HPS3: variants seen among roughly 807,000 people sequenced by gnomAD.
HPS3 encodes the protein HPS3 biogenesis of lysosomal organelles complex 2 subunit 1.
In HPS3, 79 loss-of-function variants were observed where a neutral mutation model predicts 110.9. That is an observed-to-expected ratio of 0.71 (90% confidence interval 0.59 to 0.86). The LOEUF is 0.86. Ranked by LOEUF, HPS3 falls within the 40% of genes least tolerant of loss-of-function variation. The pLI is 0.00. For missense variants in HPS3, 1,197 were observed against 1,206.2 expected (o/e 0.99, Z 0.11); for synonymous variants, 428 against 451.0 (o/e 0.95, Z 0.65).
At chr3:149,139,224 A>G (rs1458161191) in intron 1 of HPS3, among the ~76,000 whole-genome samples, 2 of 152,224 alleles carry the variant, frequency 1.3e-5, no homozygotes, top group African/African-American at 2.4e-5. Context: ...ATCAGCCTGG[A>G]GGGAGAGATT....
intron 5 of HPS3, among the ~76,000 whole-genome samples, chr3:149,147,510 G>A (rs916901140): frequency 1.3e-5 from 2 of 152,064 alleles, no homozygotes; most frequent in South Asian, 2.1e-4. Context: ...GAAAAGAAAG[G>A]AATATACTAA....
chr3:149,130,098 A>G, intron 1 of HPS3, 158 bp downstream of exon 1: 1 of 690,628 alleles, frequency 1.4e-6, no homozygotes, highest in South Asian at 1.8e-5. Context: ...TGATTGCTTG[A>G]AGTCGCATTG....
At chr3:149,145,684 CTT>C (rs1338681574) in intron 5 of HPS3, 138 bp downstream of exon 5, 49 of 766,112 alleles carry the variant, frequency 6.4e-5, no homozygotes, top group Non-Finnish European at 1.1e-4. Flanking sequence ...GTAAGTCTGT[CTT>C]TTGATGACCC....
intron 16 of HPS3, among the ~76,000 whole-genome samples, chr3:149,171,139 G>A (rs563433799): frequency 2.6e-5 from 4 of 152,054 alleles, no homozygotes; most frequent in South Asian, 2.1e-4. Context: ...TTAGCTGGAC[G>A]TGGTGGTGCG....
At chr3:149,162,982 TTA>T in intron 13 of HPS3, 104 bp downstream of exon 13, 1 of 970,044 alleles carries the variant, frequency 1.0e-6, no homozygotes, top group South Asian at 1.4e-5. Context: ...TAGTTTTCTA[TTA>T]CCAGGTATCT....
intron 1 of HPS3, among the ~76,000 whole-genome samples, chr3:149,138,921 G>A (rs1302702472): frequency 6.6e-6 from 1 of 152,154 alleles, no homozygotes; most frequent in African/African-American, 2.4e-5. Context: ...CACTGCTGCT[G>A]GTAACATGAA....
intron 1 of HPS3, among the ~76,000 whole-genome samples, chr3:149,138,205 T>G (rs1034377646): frequency 2.0e-5 from 3 of 152,172 alleles, no homozygotes; most frequent in Non-Finnish European, 4.4e-5. Context: ...GCTTGCTACC[T>G]GTAGAAGTCA....
At chr3:149,167,358 T>C in intron 15 of HPS3, 118 bp downstream of exon 15, 1 of 783,682 alleles carries the variant, frequency 1.3e-6, no homozygotes, top group Non-Finnish European at 2.2e-6. Context: ...TAAGGCTGTG[T>C]GGGTCCATTG....
Position 149,163,889 on chromosome 3 carries a change from C to G in HPS3, c.2529C>G (p.Val843=). The G allele has an allele frequency of 6.3e-7, 1 of 1,586,114 alleles. No homozygotes were observed. The highest frequency in any genetic ancestry group is 8.7e-7 in the Non-Finnish European group (1 of 1,154,654). Residue 843 remains valine, a synonymous_variant, in exon 14 of 17, where the codon GTC becomes GTG. Transcript: ENST00000296051. ...GCTTAATTTATCCATGGGTTCACGT[C>G]GTAATATCATCTGATTCTTTAGCTG... ...HYGLIYPWVH[V]VISSDSLADK...
Position 149,129,848 on chromosome 3 carries a change from A to G in HPS3, c.125A>G (p.Glu42Gly). The change falls in exon 1 of 17, where the codon GAG becomes GGG. Residue 42 changes from glutamate to glycine, a missense_variant. Glu to Gly is a moderately conservative substitution (Grantham distance 98). Transcript: ENST00000296051. Reference sequence around the variant, plus strand: ...TTCGTGGCGGCGGGCTGCAAGGTGGAGGCGTTCGCGGTGGCCGGCCAGGAG... The same window carrying G: ...TTCGTGGCGGCGGGCTGCAAGGTGGGGGCGTTCGCGGTGGCCGGCCAGGAG... ...ALFVAAGCKVEAFAVAGQELC... is the reference protein window; with the variant it reads ...ALFVAAGCKVGAFAVAGQELC... 1 of 1,602,426 alleles carries G rather than the reference A, an allele frequency of 6.2e-7. No individual in the cohort carries two copies. Among genetic ancestry groups the G allele is most frequent in the South Asian group, 1.1e-5 (1 of 90,592 alleles).
At chr3:149,137,890 T>C (rs879497442) in intron 1 of HPS3, among the ~76,000 whole-genome samples, 2 of 152,126 alleles carry the variant, frequency 1.3e-5, no homozygotes, top group Admixed American at 6.6e-5. Flanking sequence ...AGATGGATGG[T>C]AGTGATGGTT....
intron 6 of HPS3, among the ~76,000 whole-genome samples, chr3:149,151,187 T>C (rs1190875187): frequency 7.3e-6 from 1 of 136,702 alleles, no homozygotes. Flanking sequence ...CTTTTTGTAT[T>C]ATTATTATTA....
rs548202439 is a variant in HPS3, at chr3:149,134,158, C to T, written c.217+4218C>T. Among the ~76,000 whole-genome samples the T allele has an allele frequency of 8.5e-5, 13 of 152,214 alleles. No individual in the cohort carries two copies. The East Asian group carries it at 1.9e-3, about 23-fold the overall frequency. On this transcript the variant is annotated intron_variant, in intron 1 of 16. Transcript: ENST00000296051. ...ATTAGCAGGGGCCTGCACTGGGCCA[C>T]GGACCTGTTTGAAAAACCTCTCATT...
chr3:149,152,544 G>A (rs1723197395), intron 6 of HPS3, among the ~76,000 whole-genome samples: 1 of 152,124 alleles, frequency 6.6e-6, no homozygotes, highest in African/African-American at 2.4e-5. Flanking sequence ...CACCAGTTCT[G>A]AAGCCCTAGG....
intron 14 of HPS3, among the ~76,000 whole-genome samples, chr3:149,165,315 G>A (rs1724306850): frequency 6.6e-6 from 1 of 152,044 alleles, no homozygotes; most frequent in Non-Finnish European, 1.5e-5. Context: ...AAGCTTTAAA[G>A]CATATTTATA....
intron 4 of HPS3, among the ~76,000 whole-genome samples, chr3:149,144,214 GA>G (rs59146279): frequency 3.4e-3 from 423 of 123,604 alleles, no homozygotes; most frequent in Admixed American, 5.0e-3. Flanking sequence ...GTCTCTACTA[GA>G]AAAAAAAAAA....
chr3:149,131,134 A>C (rs939248), intron 1 of HPS3, among the ~76,000 whole-genome samples: 3,099 of 123,600 alleles, frequency 0.025, 129 homozygotes, highest in African/African-American at 0.082. Flanking sequence ...AAAAAAAAAA[A>C]AAAAAACAAA....
intron 16 of HPS3, chr3:149,168,377 A>T (rs989997783): frequency 1.5e-5 from 3 of 203,288 alleles, no homozygotes; most frequent in African/African-American, 7.1e-5. Context: ...TTGATGAATA[A>T]CAACCTCAAG....
chr3:149,132,109 C>A (rs1239853112), intron 1 of HPS3, among the ~76,000 whole-genome samples: 1 of 152,152 alleles, frequency 6.6e-6, no homozygotes, highest in Non-Finnish European at 1.5e-5. Flanking sequence ...GGTGAAACAG[C>A]AAGTGATGAT....
Sources: allele counts gnomAD v4.1 joint callset (sites outside exome capture counted in the v4.1 genomes callset), GRCh38; gene constraint gnomAD v4.1.1; transcripts MANE v1.5; gene names NCBI Gene and HGNC (gene_info 2026-07-23, HGNC 2026-07-21).